The following CTNNA2 variants were observed in gnomAD, a reference collection of about 807,000 sequenced individuals.
CTNNA2 encodes the protein catenin alpha 2, also known as catenin alpha-2.
A neutral mutation model predicts 101.0 loss-of-function variants in CTNNA2; 42 were observed. That is an observed-to-expected ratio of 0.42 (90% CI 0.32 to 0.54). The LOEUF (loss-of-function observed/expected upper bound fraction) is 0.54. CTNNA2 is among the 20% of genes least tolerant of loss of function. The pLI, the probability that CTNNA2 is intolerant of heterozygous loss-of-function variation, is 0.14. For synonymous variants in CTNNA2, 450 were observed against 456.4 expected (o/e 0.99, Z 0.18); for missense variants, 871 against 1,223.1 (o/e 0.71, Z 4.29).
At chr2:79,947,772 G>A (rs1688604647) in intron 7 of CTNNA2, among the ~76,000 whole-genome samples, 1 of 152,200 alleles carries the variant, frequency 6.6e-6, no homozygotes, top group Non-Finnish European at 1.5e-5. Context: ...CCTAGAAGAT[G>A]AGTGCACATA....
At chr2:79,326,440 A>G (rs762759852) in intron 3 of CTNNA2, among the ~76,000 whole-genome samples, 34 of 152,198 alleles carry the variant, frequency 2.2e-4, no homozygotes, top group Non-Finnish European at 3.2e-4. Context: ...ATAAATTCCT[A>G]GAATCCACTC....
chr2:79,286,785 A>T (rs1675603696), intron 2 of CTNNA2, among the ~76,000 whole-genome samples: 1 of 151,922 alleles, frequency 6.6e-6, no homozygotes, highest in Non-Finnish European at 1.5e-5. Context: ...GTATTTCCTG[A>T]ATCTGAATGT....
At chr2:79,624,222 A>G (rs1679169313) in intron 1 of CTNNA2, among the ~76,000 whole-genome samples, 1 of 152,236 alleles carries the variant, frequency 6.6e-6, no homozygotes. Context: ...GAATCAAGAA[A>G]GAGATTGGGG....
In CTNNA2 at chr2:79,426,149, A is replaced by T. The variant is rs1022738108; in HGVS notation, c.-135+52136A>T. On this transcript the variant is annotated intron_variant, in intron 4 of 21. Transcript: ENST00000466387. ...ACATTTTGTGAAATATATTCATAAAATATTGTAGACTCTATGGAACAGCCT... is the reference window on the plus strand; with the variant it reads ...ACATTTTGTGAAATATATTCATAAATTATTGTAGACTCTATGGAACAGCCT... Among the ~76,000 whole-genome samples the T allele has an allele frequency of 3.9e-5, 6 of 152,184 alleles. No homozygotes were observed. The South Asian group carries it at 1.2e-3, about 31-fold the overall frequency.
intron 3 of CTNNA2, among the ~76,000 whole-genome samples, chr2:79,325,811 AG>A (rs1184984984): frequency 6.6e-6 from 1 of 152,172 alleles, no homozygotes; most frequent in Non-Finnish European, 1.5e-5. Flanking sequence ...GCTTCTCTGC[AG>A]GCACTCAGTA....
intron 7 of CTNNA2, among the ~76,000 whole-genome samples, chr2:80,016,519 T>G (rs1309846542): frequency 6.6e-6 from 1 of 152,144 alleles, no homozygotes. Flanking sequence ...TAAGAAATAT[T>G]AACTATTTCA....
chr2:79,249,082 A>G (rs13001365), intron 2 of CTNNA2, among the ~76,000 whole-genome samples: 32,618 of 152,104 alleles, frequency 0.21, 3,811 homozygotes, highest in Admixed American at 0.34. Context: ...TTAGCTGTGA[A>G]TCCTTGGAAA....
At chr2:80,085,885 G>A (rs1048980352) in intron 7 of CTNNA2, among the ~76,000 whole-genome samples, 1 of 152,042 alleles carries the variant, frequency 6.6e-6, no homozygotes, top group African/African-American at 2.4e-5. Flanking sequence ...TAACGCAAAA[G>A]ACTGGCTCAG....
At chr2:79,697,421 GC>G (rs1684717380) in intron 2 of CTNNA2, among the ~76,000 whole-genome samples, 1 of 152,012 alleles carries the variant, frequency 6.6e-6, no homozygotes, top group Admixed American at 6.6e-5. Flanking sequence ...GTCAACACAA[GC>G]CATCAAGTTT....
rs965510713 is a variant in CTNNA2, at chr2:80,419,462, T to C, written c.1151T>C (p.Val384Ala). The C allele has an allele frequency of 6.2e-7, 1 of 1,609,494 alleles. No homozygotes were observed. Among genetic ancestry groups the C allele is most frequent in the Non-Finnish European group, 8.5e-7 (1 of 1,176,792 alleles). ...TTTCAACTGTAGCTTCGGAAAGCAG[T>C]GATGGATCACATATCTGACTCTTTC... ...RDLRRQLRKA[V>A]MDHISDSFLE... Residue 384 changes from valine (V) to alanine (A), a missense_variant, in exon 9 of 19, where the codon GTG (valine) becomes GCG (alanine). Physicochemically the swap from Val to Ala is moderately conservative, Grantham distance 64. This residue lies in a region of CTNNA2 where 647 missense variants were observed against 831.5 expected (regional missense o/e 0.78). Coordinates refer to ENST00000402739, the MANE Select transcript of CTNNA2 (RefSeq NM_001282597.3).
chr2:79,646,628 CA>C (rs1680840733), intron 1 of CTNNA2, among the ~76,000 whole-genome samples: 1 of 148,764 alleles, frequency 6.7e-6, no homozygotes, highest in African/African-American at 2.5e-5. Context: ...TCCCTGGGCT[CA>C]AGTGATCCTC....
At chr2:80,363,533 G>A (rs1044753386) in intron 7 of CTNNA2, among the ~76,000 whole-genome samples, 2 of 152,076 alleles carry the variant, frequency 1.3e-5, no homozygotes, top group Admixed American at 6.6e-5. Flanking sequence ...CATCACCTTC[G>A]TGGTGATGAA....
intron 7 of CTNNA2, among the ~76,000 whole-genome samples, chr2:80,126,707 G>T (rs576566277): frequency 1.3e-4 from 19 of 145,766 alleles, no homozygotes; most frequent in African/African-American, 4.8e-4. Context: ...TTCCTCCCCA[G>T]CTTCCCTTGT....
intron 7 of CTNNA2, among the ~76,000 whole-genome samples, chr2:79,993,370 G>T (rs1018815805): frequency 1.3e-5 from 2 of 152,038 alleles, no homozygotes; most frequent in Non-Finnish European, 2.9e-5. Context: ...CTCCCACGTG[G>T]GCTTCAAAGT....
chr2:79,992,726 G>T (rs1408225561), intron 7 of CTNNA2, among the ~76,000 whole-genome samples: 1 of 152,140 alleles, frequency 6.6e-6, no homozygotes, highest in East Asian at 1.9e-4. Flanking sequence ...TATGAGTATT[G>T]TTGTACTTGT....
At chr2:80,045,578 C>T (rs1325059845) in intron 7 of CTNNA2, among the ~76,000 whole-genome samples, 1 of 152,154 alleles carries the variant, frequency 6.6e-6, no homozygotes, top group African/African-American at 2.4e-5. Flanking sequence ...TCAGTAATCA[C>T]TATCTAAATC....
chr2:80,469,145 T>C (rs185812907), intron 9 of CTNNA2, among the ~76,000 whole-genome samples: 1 of 152,284 alleles, frequency 6.6e-6, no homozygotes, highest in East Asian at 1.9e-4. Context: ...TCAATTTACC[T>C]CTGAGAAAGT....
chr2:80,323,276 CA>C (rs1678896977), intron 7 of CTNNA2, among the ~76,000 whole-genome samples: 2 of 152,214 alleles, frequency 1.3e-5, no homozygotes, highest in South Asian at 4.1e-4. Context: ...GGGCTCCGAA[CA>C]GGCCTGGGAA....
intron 4 of CTNNA2, among the ~76,000 whole-genome samples, chr2:79,426,430 AT>A (rs1678592907): frequency 6.6e-6 from 1 of 152,158 alleles, no homozygotes. Flanking sequence ...ATATGGTTAC[AT>A]TCTGATTTTT....
Sources: allele counts gnomAD v4.1 joint callset (sites outside exome capture counted in the v4.1 genomes callset), GRCh38; gene constraint gnomAD v4.1.1; regional missense constraint gnomAD v4.1.1; transcripts MANE v1.5; gene names NCBI Gene and HGNC (gene_info 2026-07-23, HGNC 2026-07-21).